Variants in MTMR2 observed in about 807,000 individuals in gnomAD.
MTMR2 encodes phosphatidylinositol-3,5-bisphosphate 3-phosphatase MTMR2.
MTMR2 carries 55 observed loss-of-function variants against 86.9 expected under a neutral mutation model. The observed-to-expected ratio is 0.63, with a 90% CI of 0.51 to 0.79. MTMR2 has a LOEUF of 0.79. MTMR2 is among the 30% of genes least tolerant of loss of function. MTMR2 has a pLI of 0.00. For missense variants in MTMR2, 659 were observed against 772.3 expected, an observed-to-expected ratio of 0.85 and a Z score of 1.74; for synonymous variants, 241 against 266.8, an observed-to-expected ratio of 0.90 and a Z score of 0.94.
chr11:95,911,453 G>A (rs189303551), intron 1 of MTMR2, among the ~76,000 whole-genome samples: 26 of 152,172 alleles, frequency 1.7e-4, no homozygotes, highest in African/African-American at 5.8e-4. Context: ...AGTATTCTGC[G>A]GAAAATGAAT....
At chr11:95,912,547 T>C (rs1326742456) in intron 1 of MTMR2, among the ~76,000 whole-genome samples, 1 of 151,844 alleles carries the variant, frequency 6.6e-6, no homozygotes. Flanking sequence ...TTACAGAGTA[T>C]TTCCAAAATT....
chr11:95,922,252 A>C (rs1347742961), intron 1 of MTMR2, among the ~76,000 whole-genome samples: 2 of 152,214 alleles, frequency 1.3e-5, no homozygotes, highest in African/African-American at 4.8e-5. Flanking sequence ...CCTAACTTCC[A>C]GTACTTCCTT....
At chr11:95,856,551 A>C (rs1864223873) in intron 7 of MTMR2, among the ~76,000 whole-genome samples, 1 of 151,992 alleles carries the variant, frequency 6.6e-6, no homozygotes, top group Non-Finnish European at 1.5e-5. Context: ...CAAAAAAAAA[A>C]AAGCCAACAA....
At chr11:95,887,242 G>A (rs1404291827) in intron 2 of MTMR2, among the ~76,000 whole-genome samples, 1 of 152,128 alleles carries the variant, frequency 6.6e-6, no homozygotes, top group Non-Finnish European at 1.5e-5. Context: ...TTGTGTAAGT[G>A]TAACCAGTGA....
At chr11:95,876,518 T>C (rs1329173502) in intron 2 of MTMR2, among the ~76,000 whole-genome samples, 1 of 152,190 alleles carries the variant, frequency 6.6e-6, no homozygotes, top group Non-Finnish European at 1.5e-5. Flanking sequence ...CCTGCCTGAC[T>C]CTGGAGCTCT....
intron 10 of MTMR2, among the ~76,000 whole-genome samples, chr11:95,846,868 C>G (rs1863815309): frequency 6.6e-6 from 1 of 152,122 alleles, no homozygotes; most frequent in Non-Finnish European, 1.5e-5. Flanking sequence ...CAAAGGGAAA[C>G]AATAGTAAAA....
rs1349562331 is a variant in MTMR2, at chr11:95,835,418, CAAG to C, written c.1801_1803del (p.Leu601del). On this transcript the variant is annotated inframe_deletion, in exon 15 of 15. Transcript: ENST00000346299. ...TTTTTCTGAAGCTCTGCTCGTTTAG[CAAG>C]AAGTTCTTTGTATCTGTTGTGAATA... 1 of 1,612,888 alleles carries C rather than the reference CAAG, an allele frequency of 6.2e-7. No homozygotes were observed. The highest frequency in any genetic ancestry group is 1.3e-5 in the African/African-American group (1 of 74,892).
intron 1 of MTMR2, among the ~76,000 whole-genome samples, chr11:95,917,821 CA>C (rs1353338042): frequency 1.3e-5 from 2 of 152,114 alleles, no homozygotes; most frequent in African/African-American, 4.8e-5. Context: ...CTTGCTGTGT[CA>C]GGGGTGGCAG....
At chr11:95,911,546 G>T (rs925008186) in intron 1 of MTMR2, among the ~76,000 whole-genome samples, 11 of 152,136 alleles carry the variant, frequency 7.2e-5, no homozygotes, top group African/African-American at 2.2e-4. Context: ...TCAGCACCCC[G>T]TTTAAGGAGC....
chr11:95,836,250 A>G lies in MTMR2; in HGVS notation c.1668T>C (p.Tyr556=). 1 of 1,613,056 alleles carries G rather than the reference A, an allele frequency of 6.2e-7. No individual in the cohort carries two copies. Among genetic ancestry groups the G allele is most frequent in the East Asian group, 2.2e-5 (1 of 44,862 alleles). The change falls in exon 14 of 15, where the codon TAT becomes TAC. Residue 556 remains tyrosine (Y), a synonymous_variant. Transcript: ENST00000346299. ...AAAGGACATGATTGGAATAGCTCCCATAGAGAGGATTAGTGAAGTCTTCCA... is the reference window on the plus strand; with the variant it reads ...AAAGGACATGATTGGAATAGCTCCCGTAGAGAGGATTAGTGAAGTCTTCCA... ...SQLEDFTNPL[Y]GSYSNHVLYP...
In MTMR2 at chr11:95,875,629, G is replaced by A. The variant is rs535215783; in HGVS notation, c.187-9953C>T. 5.9e-5 allele frequency among the ~76,000 whole-genome samples: 9 copies of A among 152,250 alleles called. No homozygotes were observed. In the South Asian group the frequency reaches 1.0e-3, roughly 18 times the overall value. ...GTCATTCTCTGTCCAGCTTCGTTCC[G>A]TTGTTGGTGAGGAGCTGCGTTCCTC... On this transcript the variant is annotated intron_variant, in intron 2 of 14. Coordinates refer to ENST00000346299, the MANE Select transcript of MTMR2 (RefSeq NM_016156.6).
intron 2 of MTMR2, among the ~76,000 whole-genome samples, chr11:95,869,235 GAA>G (rs5793751): frequency 0.019 from 2,684 of 141,540 alleles, 34 homozygotes; most frequent in South Asian, 0.065. Flanking sequence ...CCATGAAAAT[GAA>G]AAAAAAAAAA....
At chr11:95,858,790 G>C (rs541509119) in intron 5 of MTMR2, among the ~76,000 whole-genome samples, 158 bp from the exon 6 acceptor site, 1 of 152,214 alleles carries the variant, frequency 6.6e-6, no homozygotes, top group South Asian at 2.1e-4. Context: ...AAATTATAAT[G>C]GTTTATTGGG....
In MTMR2 at chr11:95,845,077, C is replaced by T; in HGVS notation, c.1262G>A (p.Trp421Ter). The stretch of plus-strand genomic sequence containing the variant: ...GGAAGTGAGCTGAGCTGTGCGATCC[C>T]AACCATCACTGCAATGCACTACCAC... The part of the protein sequence containing the change: ...TSVVVHCSDG[W>*]DRTAQLTSLA... Residue 421 changes from tryptophan (W) to a stop codon, truncating the protein, a stop_gained, in exon 11 of 15, where the codon TGG becomes TAG. Coordinates refer to ENST00000346299, the MANE Select transcript of MTMR2 (RefSeq NM_016156.6). LOFTEE classifies it high-confidence loss of function. The T allele has an allele frequency of 6.2e-7, 1 of 1,613,914 alleles. No individual in the cohort carries two copies. The highest frequency in any genetic ancestry group is 2.2e-5 in the East Asian group (1 of 44,860).
intron 1 of MTMR2, among the ~76,000 whole-genome samples, chr11:95,912,461 A>T (rs959293155): frequency 5.9e-5 from 9 of 151,878 alleles, no homozygotes; most frequent in African/African-American, 1.9e-4. Flanking sequence ...GACGTTTTTT[A>T]AAAATCATAG....
intron 6 of MTMR2, among the ~76,000 whole-genome samples, chr11:95,858,298 T>C (rs2135464005): frequency 6.6e-6 from 1 of 152,272 alleles, no homozygotes; most frequent in East Asian, 1.9e-4. Context: ...AGCAAGATCA[T>C]ATAATCATAA....
At chr11:95,848,920 C>A (rs1863906685) in intron 9 of MTMR2, among the ~76,000 whole-genome samples, 1 of 152,118 alleles carries the variant, frequency 6.6e-6, no homozygotes, top group Admixed American at 6.6e-5. Context: ...TTGCAACATT[C>A]TAGAAAGACA....
intron 1 of MTMR2, among the ~76,000 whole-genome samples, chr11:95,910,188 C>G (rs1039477428): frequency 2.2e-4 from 33 of 151,476 alleles, no homozygotes; most frequent in African/African-American, 8.0e-4. Context: ...AAGACAGACC[C>G]AAAACTTCAA....
At chr11:95,920,481 CTTTTTT>C (rs10572906) in intron 1 of MTMR2, among the ~76,000 whole-genome samples, 1 of 141,708 alleles carries the variant, frequency 7.1e-6, no homozygotes. Context: ...CTGACGATTA[CTTTTTT>C]TTTTTTTTTT....
Sources: gnomAD v4.1 joint callset for allele counts (sites outside exome capture counted in the v4.1 genomes callset) on GRCh38, gnomAD v4.1.1 for gene constraint, MANE v1.5 for transcripts, NCBI Gene and HGNC (gene_info 2026-07-23, HGNC 2026-07-21) for gene names.